FNDC3B: variants seen among roughly 807,000 people sequenced by gnomAD.
The protein encoded by FNDC3B is fibronectin type III domain containing 3B, also known as fibronectin type III domain-containing protein 3B.
FNDC3B carries 12 observed loss-of-function variants against 151.5 expected under a neutral mutation model. That is an observed-to-expected ratio of 0.08 (90% CI 0.05 to 0.13). The LOEUF (loss-of-function observed/expected upper bound fraction) is 0.13. FNDC3B is among the 10% of genes least tolerant of loss of function. The probability of loss-of-function intolerance (pLI) is 1.00; values close to 1 mark genes in which losing one functional copy is unlikely to be tolerated. For missense variants in FNDC3B, 1,214 were observed against 1,505.3 expected, an observed-to-expected ratio of 0.81 and a Z score of 3.20; for synonymous variants, 528 against 549.0, an observed-to-expected ratio of 0.96 and a Z score of 0.54.
intron 25 of FNDC3B, among the ~76,000 whole-genome samples, chr3:172,381,470 CTT>C (rs1022343106): frequency 1.4e-5 from 2 of 141,956 alleles, no homozygotes; most frequent in East Asian, 2.0e-4. Context: ...TAGTATTGAT[CTT>C]TTTTTTTTTT....
intron 6 of FNDC3B, among the ~76,000 whole-genome samples, chr3:172,271,032 G>A (rs1468452748): frequency 6.6e-6 from 1 of 152,170 alleles, no homozygotes; most frequent in Non-Finnish European, 1.5e-5. Context: ...TCCTATAAAT[G>A]TGGTCTTGTA....
chr3:172,333,412 C>T lies in FNDC3B; in HGVS notation c.1641+237C>T, dbSNP rs568771189. On this transcript the variant is annotated intron_variant, in intron 14 of 25. Coordinates refer to ENST00000415807, the MANE Select transcript of FNDC3B (RefSeq NM_022763.4). The stretch of plus-strand genomic sequence containing the variant: ...TCTCGGCTCACTGCAACCTCTGCCT[C>T]CCGGGTTTAAGCAGTTCTCCTGCCT... Among the ~76,000 whole-genome samples the T allele has an allele frequency of 3.3e-5, 5 of 152,146 alleles. No individual in the cohort carries two copies. In the South Asian group the frequency reaches 1.0e-3, roughly 32 times the overall value.
intron 6 of FNDC3B, 151 bp downstream of exon 6, chr3:172,251,692 G>A: frequency 2.9e-6 from 2 of 689,384 alleles, no homozygotes; most frequent in East Asian, 2.8e-5. Context: ...TCTATTTCTT[G>A]GTAAGGAAAT....
At chr3:172,279,367 C>A (rs1489146070) in intron 6 of FNDC3B, among the ~76,000 whole-genome samples, 3 of 152,192 alleles carry the variant, frequency 2.0e-5, no homozygotes, top group Admixed American at 6.5e-5. Flanking sequence ...AAAAGAAATT[C>A]ATTTGTGTTT....
At chr3:172,274,428 A>T (rs1334411068) in intron 6 of FNDC3B, among the ~76,000 whole-genome samples, 2 of 152,148 alleles carry the variant, frequency 1.3e-5, no homozygotes, top group Non-Finnish European at 2.9e-5. Flanking sequence ...AAGAAGAAGT[A>T]GACTTGGACC....
intron 2 of FNDC3B, among the ~76,000 whole-genome samples, chr3:172,125,090 A>T (rs188728053): frequency 7.9e-5 from 12 of 152,320 alleles, no homozygotes; most frequent in African/African-American, 2.9e-4. Context: ...TTGTTCAGGT[A>T]AACAGCTGGG....
Position 172,398,489 on chromosome 3 carries a change from A to T in FNDC3B, c.*1014A>T, listed in dbSNP as rs1371030520. The T allele has an allele frequency of 6.6e-6, 1 of 152,286 alleles. No individual in the cohort carries two copies. The highest frequency in any genetic ancestry group is 1.5e-5 in the Non-Finnish European group (1 of 68,044). The allele number at this position is 152,286 out of a possible 1,614,324, so 9.4% of individuals were successfully genotyped here. The stretch of plus-strand genomic sequence containing the variant: ...GTATCAATGAAGTGATTGAATTTCA[A>T]TACCTTAATTCAGTGCACATAATAC... On this transcript the variant is annotated 3_prime_UTR_variant, in exon 26 of 26. Coordinates refer to ENST00000415807, the MANE Select transcript of FNDC3B (RefSeq NM_022763.4).
rs1261094620 is a variant in FNDC3B, at chr3:172,111,096, T to A, written c.-28-1356T>A. Among the ~76,000 whole-genome samples, 90 of 104,734 alleles carry A rather than the reference T, an allele frequency of 8.6e-4. 1 individual carries two copies. Among genetic ancestry groups the A allele is most frequent in the African/African-American group, 2.8e-3 (75 of 26,826 alleles). 68.7% of individuals were successfully genotyped at this position (104,734 alleles called of 152,430 possible). ...CCTGGGCAACAGAGTGAGACTCCATTAAAAAAAAAAAAAAAAAAAAAGATA... is the reference window on the plus strand; with the variant it reads ...CCTGGGCAACAGAGTGAGACTCCATAAAAAAAAAAAAAAAAAAAAAAGATA... On this transcript the variant is annotated intron_variant, in intron 1 of 25. Coordinates refer to ENST00000415807, the MANE Select transcript of FNDC3B (RefSeq NM_022763.4).
At chr3:172,293,927 A>G (rs2108838529) in intron 7 of FNDC3B, among the ~76,000 whole-genome samples, 1 of 152,348 alleles carries the variant, frequency 6.6e-6, no homozygotes, top group South Asian at 2.1e-4. Flanking sequence ...GGGACTGAAC[A>G]GTTTACCTGT....
chr3:172,159,007 C>G (rs913103959), intron 3 of FNDC3B, among the ~76,000 whole-genome samples: 7 of 152,218 alleles, frequency 4.6e-5, no homozygotes, highest in African/African-American at 1.7e-4. Context: ...TGGGGCCGGG[C>G]ATGGTGGCTC....
intron 13 of FNDC3B, among the ~76,000 whole-genome samples, chr3:172,332,037 C>A (rs1732709434): frequency 6.6e-6 from 1 of 152,128 alleles, no homozygotes; most frequent in African/African-American, 2.4e-5. Context: ...GTGGTGCAAT[C>A]TTGGCCCTCT....
chr3:172,338,272 C>A (rs916856237), intron 16 of FNDC3B: 1 of 145,288 alleles, frequency 6.9e-6, no homozygotes, highest in African/African-American at 2.6e-5. Context: ...TGAGATTGCA[C>A]CACTGCACTC....
chr3:172,299,024 G>A (rs1276491930), intron 9 of FNDC3B, among the ~76,000 whole-genome samples: 2 of 152,164 alleles, frequency 1.3e-5, no homozygotes, highest in East Asian at 3.9e-4. Flanking sequence ...CATTTTAAAA[G>A]TAATTTTACA....
rs187759965 is a variant in FNDC3B, at chr3:172,316,320, A to G, written c.1254+5439A>G. 6.3e-3 allele frequency: 2,742 copies of G among 435,140 alleles called. 16 individuals are homozygous for G. Among genetic ancestry groups the G allele is most frequent in the South Asian group, 9.1e-3 (559 of 61,360 alleles). 27.0% of individuals were successfully genotyped at this position (435,140 alleles called of 1,614,324 possible). A position where few individuals can be genotyped will look rare whatever the true frequency, so the allele number is the denominator to read the frequency against. On this transcript the variant is annotated intron_variant, in intron 11 of 25. Coordinates refer to ENST00000415807, the MANE Select transcript of FNDC3B (RefSeq NM_022763.4). ...CAGCCCTGCTTCTTTTCTTGATGAC[A>G]TATCACTATCTAGCAGAGGTGGGAG...
At chr3:172,198,360 A>G (rs1724959012) in intron 3 of FNDC3B, among the ~76,000 whole-genome samples, 1 of 152,228 alleles carries the variant, frequency 6.6e-6, no homozygotes, top group Non-Finnish European at 1.5e-5. Context: ...GTATGTATGA[A>G]TATACTTGGA....
chr3:172,366,358 A>C (rs1413082736), intron 23 of FNDC3B, among the ~76,000 whole-genome samples: 1 of 152,148 alleles, frequency 6.6e-6, no homozygotes, highest in Non-Finnish European at 1.5e-5. Context: ...ACTTGGATTT[A>C]TTGCATGCCT....
At chr3:172,365,371 A>G (rs1287058421) in intron 23 of FNDC3B, among the ~76,000 whole-genome samples, 1 of 152,202 alleles carries the variant, frequency 6.6e-6, no homozygotes, top group Non-Finnish European at 1.5e-5. Context: ...GCATGTGGCC[A>G]AAATAATGAT....
At chr3:172,206,343 T>C (rs1725420028) in intron 3 of FNDC3B, among the ~76,000 whole-genome samples, 1 of 151,736 alleles carries the variant, frequency 6.6e-6, no homozygotes, top group African/African-American at 2.4e-5. Flanking sequence ...AAGTTATTTC[T>C]TGGGATCCTA....
At chr3:172,256,415 G>C (rs1728349387) in intron 6 of FNDC3B, among the ~76,000 whole-genome samples, 1 of 152,310 alleles carries the variant, frequency 6.6e-6, no homozygotes, top group Admixed American at 6.5e-5. Flanking sequence ...TGGGCATCCA[G>C]TCCACAGATG....
Sources: gnomAD v4.1 joint callset for allele counts (sites outside exome capture counted in the v4.1 genomes callset) on GRCh38, gnomAD v4.1.1 for gene constraint, MANE v1.5 for transcripts, NCBI Gene and HGNC (gene_info 2026-07-23, HGNC 2026-07-21) for gene names.